Variants in SKAP2 observed in about 807,000 individuals in gnomAD.
SKAP2 encodes src kinase-associated phosphoprotein 2.
In SKAP2, 28 loss-of-function variants were observed where a neutral mutation model predicts 54.9. The ratio of observed to expected loss-of-function variants is 0.51; its 90% CI spans 0.38 to 0.70. The LOEUF is 0.70. Ranked by LOEUF, SKAP2 falls within the 30% of genes least tolerant of loss-of-function variation. The pLI is 0.00. For missense variants in SKAP2, 356 were observed against 424.1 expected, an observed-to-expected ratio of 0.84 and a Z score of 1.41; for synonymous variants, 137 against 134.3, an observed-to-expected ratio of 1.02 and a Z score of -0.14.
intron 9 of SKAP2, among the ~76,000 whole-genome samples, chr7:26,711,985 G>C (rs1163720922): frequency 6.6e-6 from 1 of 152,152 alleles, no homozygotes; most frequent in Non-Finnish European, 1.5e-5. Context: ...CAAATTAGGA[G>C]AGGTGGGGAG....
chr7:26,831,551 T>C (rs182020321), intron 4 of SKAP2, among the ~76,000 whole-genome samples: 8 of 152,310 alleles, frequency 5.3e-5, no homozygotes, highest in Admixed American at 5.2e-4. Flanking sequence ...ATTGACTGGA[T>C]AACAATAGTA....
chr7:26,843,852 A>G (rs937191707), intron 4 of SKAP2, among the ~76,000 whole-genome samples, 178 bp downstream of exon 4: 2 of 152,078 alleles, frequency 1.3e-5, no homozygotes, highest in African/African-American at 4.8e-5. Context: ...AACCAACTAC[A>G]TACTTAGGAA....
At chr7:26,722,398 T>TTC (rs1475094038) in intron 9 of SKAP2, among the ~76,000 whole-genome samples, 2 of 140,020 alleles carry the variant, frequency 1.4e-5, no homozygotes, top group Admixed American at 1.4e-4. Context: ...TTTTTTTTTT[T>TTC]TTTTTTTTTT....
In SKAP2 at chr7:26,856,972, G is replaced by GA. The variant is rs76065541; in HGVS notation, c.68-2083dup. 9.7e-3 allele frequency among the ~76,000 whole-genome samples: 962 copies of GA among 99,602 alleles called. 8 individuals are homozygous for GA. Among genetic ancestry groups the GA allele is most frequent in the African/African-American group, 0.02 (537 of 26,484 alleles). 65.3% of individuals were successfully genotyped at this position (99,602 alleles called of 152,430 possible). On this transcript the variant is annotated intron_variant, in intron 1 of 12. Coordinates refer to ENST00000345317, the MANE Select transcript of SKAP2 (RefSeq NM_003930.5). ...GTCATTTCAGTTTTATAAAAATTCA[G>GA]AAAAAAAAAAAAAAGGCTGCAATAA...
chr7:26,728,404 G>T (rs1445069019), intron 6 of SKAP2, among the ~76,000 whole-genome samples: 1 of 152,056 alleles, frequency 6.6e-6, no homozygotes, highest in East Asian at 1.9e-4. Flanking sequence ...AATTTAGTAT[G>T]CAGCATTTCC....
intron 9 of SKAP2, among the ~76,000 whole-genome samples, chr7:26,706,947 C>A (rs1486217899): frequency 6.6e-6 from 1 of 152,146 alleles, no homozygotes; most frequent in African/African-American, 2.4e-5. Context: ...TTTGTATATA[C>A]AAATGTAATT....
At chr7:26,777,244 G>A (rs1011807522) in intron 4 of SKAP2, among the ~76,000 whole-genome samples, 9 of 151,952 alleles carry the variant, frequency 5.9e-5, no homozygotes, top group African/African-American at 1.4e-4. Context: ...TCCTGAATAC[G>A]ACAGAAAAAG....
At chr7:26,849,178 C>G (rs1784987066) in intron 3 of SKAP2, among the ~76,000 whole-genome samples, 1 of 152,184 alleles carries the variant, frequency 6.6e-6, no homozygotes, top group Non-Finnish European at 1.5e-5. Flanking sequence ...TCTTATTCTG[C>G]TATTCTTAGT....
At chr7:26,836,191 C>G (rs1784706906) in intron 4 of SKAP2, among the ~76,000 whole-genome samples, 1 of 152,086 alleles carries the variant, frequency 6.6e-6, no homozygotes, top group Non-Finnish European at 1.5e-5. Context: ...CAAAAATTAA[C>G]TCAAGTTGGA....
At chr7:26,860,707 G>A (rs981341801) in intron 1 of SKAP2, among the ~76,000 whole-genome samples, 4 of 151,694 alleles carry the variant, frequency 2.6e-5, no homozygotes, top group South Asian at 4.2e-4. Context: ...AAATTAAACC[G>A]TAATATACTC....
chr7:26,798,017 G>C (rs2127983532), intron 4 of SKAP2, among the ~76,000 whole-genome samples: 1 of 151,326 alleles, frequency 6.6e-6, no homozygotes, highest in South Asian at 2.1e-4. Flanking sequence ...GGAGACAAAA[G>C]AAAAAAGAAT....
Position 26,716,139 on chromosome 7 carries a change from AT to A in SKAP2, c.796+9288del, listed in dbSNP as rs1787431358. 2.0e-5 allele frequency among the ~76,000 whole-genome samples: 3 copies of A among 152,152 alleles called. No homozygotes were observed. In the South Asian group the frequency reaches 6.2e-4, roughly 32 times the overall value. On this transcript the variant is annotated intron_variant, in intron 9 of 12. Coordinates refer to ENST00000345317, the MANE Select transcript of SKAP2 (RefSeq NM_003930.5). ...TCTCTACTATGCAATGTTACTTTAT[AT>A]CTTTTTGATAGATTATTAATTTTGT...
intron 4 of SKAP2, among the ~76,000 whole-genome samples, chr7:26,832,255 A>T (rs1000271579): frequency 2.2e-4 from 33 of 152,236 alleles, no homozygotes; most frequent in Non-Finnish European, 4.3e-4. Context: ...CTTTTACAGG[A>T]AAGAACAGTT....
intron 4 of SKAP2, among the ~76,000 whole-genome samples, chr7:26,801,318 A>G (rs1305651533): frequency 6.6e-6 from 1 of 152,182 alleles, no homozygotes; most frequent in East Asian, 1.9e-4. Context: ...CCTTCATGAC[A>G]AAAACGCTTT....
At chr7:26,793,602 A>G (rs995853250) in intron 4 of SKAP2, among the ~76,000 whole-genome samples, 1 of 152,172 alleles carries the variant, frequency 6.6e-6, no homozygotes, top group Non-Finnish European at 1.5e-5. Flanking sequence ...CAAGACATGG[A>G]AAGTCTTAAT....
At chr7:26,857,816 T>G in intron 1 of SKAP2, 2 of 827,958 alleles carry the variant, frequency 2.4e-6, no homozygotes, top group Non-Finnish European at 2.9e-6. Flanking sequence ...TTCCTCTGGC[T>G]GGTTGGAGAA....
intron 4 of SKAP2, among the ~76,000 whole-genome samples, chr7:26,757,405 C>T (rs989407703): frequency 1.7e-4 from 26 of 152,294 alleles, no homozygotes; most frequent in African/African-American, 6.3e-4. Flanking sequence ...GGCCAGTTTT[C>T]CCAGCACCAT....
intron 4 of SKAP2, among the ~76,000 whole-genome samples, chr7:26,758,330 T>A (rs1260126462): frequency 6.6e-6 from 1 of 152,200 alleles, no homozygotes; most frequent in Non-Finnish European, 1.5e-5. Flanking sequence ...TTTAAGTCGA[T>A]TTATATTATT....
downstream of SKAP2, among the ~76,000 whole-genome samples, chr7:26,662,323 G>A (rs148707157): frequency 6.1e-4 from 92 of 151,944 alleles, no homozygotes; most frequent in African/African-American, 2.0e-3. Context: ...TTCCCTCCCC[G>A]TTTATTTTTA....
Sources: allele counts gnomAD v4.1 joint callset (sites outside exome capture counted in the v4.1 genomes callset), GRCh38; gene constraint gnomAD v4.1.1; transcripts MANE v1.5; gene names NCBI Gene and HGNC (gene_info 2026-07-23, HGNC 2026-07-21).